The following CSMD1 variants were observed in gnomAD, a reference collection of about 807,000 sequenced individuals.
CSMD1 encodes CUB and sushi domain-containing protein 1.
In CSMD1, 213 loss-of-function variants were observed where a neutral mutation model predicts 417.5. The observed-to-expected ratio is 0.51, with a 90% confidence interval of 0.46 to 0.57. The LOEUF (loss-of-function observed/expected upper bound fraction) is 0.57, where lower values mean the gene tolerates loss of function less well. CSMD1 is among the 20% of genes least tolerant of loss of function. The pLI, the probability that CSMD1 is intolerant of heterozygous loss-of-function variation, is 0.00. For synonymous variants in CSMD1, 2,862 were observed against 1,736.8 expected (o/e 1.65, Z -16.11); for missense variants, 6,923 against 4,529.7 (o/e 1.53, Z -15.17).
At chr8:3,546,158 G>C (rs1341726998) in intron 10 of CSMD1, among the ~76,000 whole-genome samples, 1 of 150,710 alleles carries the variant, frequency 6.6e-6, no homozygotes, top group Non-Finnish European at 1.5e-5. Context: ...AGGTCATCAT[G>C]TATTTGTTTG....
At chr8:3,533,371 C>T (rs149003453) in intron 10 of CSMD1, among the ~76,000 whole-genome samples, 2 of 152,248 alleles carry the variant, frequency 1.3e-5, no homozygotes, top group East Asian at 1.9e-4. Context: ...GAACTTTATA[C>T]TCCTTGAACA....
intron 1 of CSMD1, among the ~76,000 whole-genome samples, chr8:4,653,141 G>C (rs778782787): frequency 5.9e-5 from 9 of 152,052 alleles, no homozygotes; most frequent in African/African-American, 7.3e-5. Context: ...CCATTTAGTA[G>C]AAATTTCCAA....
At chr8:3,004,766 C>G (rs1164848705) in intron 52 of CSMD1, among the ~76,000 whole-genome samples, 3 of 152,156 alleles carry the variant, frequency 2.0e-5, no homozygotes, top group African/African-American at 7.2e-5. Flanking sequence ...TTGAGAGAAC[C>G]AGTAACGGAA....
chr8:3,849,121 A>T (rs1176572961), intron 5 of CSMD1, among the ~76,000 whole-genome samples: 1 of 152,160 alleles, frequency 6.6e-6, no homozygotes, highest in Non-Finnish European at 1.5e-5. Context: ...AGTTACACTG[A>T]AAGACAAGGA....
At chr8:4,275,921 G>T (rs1796459290) in intron 3 of CSMD1, among the ~76,000 whole-genome samples, 1 of 152,176 alleles carries the variant, frequency 6.6e-6, no homozygotes, top group African/African-American at 2.4e-5. Context: ...TTGTTTAAAT[G>T]ATACTTTGTG....
chr8:4,133,590 A>C (rs1803240762), intron 3 of CSMD1, among the ~76,000 whole-genome samples: 1 of 152,224 alleles, frequency 6.6e-6, no homozygotes, highest in South Asian at 2.1e-4. Flanking sequence ...CGATATGTGT[A>C]ATAAACACAT....
chr8:3,352,709 G>T (rs552104878), intron 21 of CSMD1, among the ~76,000 whole-genome samples: 1 of 152,148 alleles, frequency 6.6e-6, no homozygotes, highest in African/African-American at 2.4e-5. Flanking sequence ...GCATGGTGGT[G>T]CATGCCGGTT....
intron 2 of CSMD1, among the ~76,000 whole-genome samples, chr8:4,551,491 G>C (rs1001743003): frequency 1.4e-4 from 22 of 152,190 alleles, no homozygotes; most frequent in African/African-American, 5.3e-4. Flanking sequence ...TTAGTTTGCA[G>C]AAAAACAACT....
At chr8:4,038,741 C>A (rs1797741473) in intron 3 of CSMD1, among the ~76,000 whole-genome samples, 1 of 152,140 alleles carries the variant, frequency 6.6e-6, no homozygotes, top group Non-Finnish European at 1.5e-5. Context: ...ATTCTGCGCC[C>A]AATGCAGACA....
chr8:3,518,446 C>G (rs896027233), intron 10 of CSMD1, among the ~76,000 whole-genome samples: 2 of 152,154 alleles, frequency 1.3e-5, no homozygotes, highest in African/African-American at 4.8e-5. Context: ...TTTTAAAATT[C>G]TGACACATAG....
At chr8:4,185,020 T>C (rs1297863545) in intron 3 of CSMD1, among the ~76,000 whole-genome samples, 1 of 150,510 alleles carries the variant, frequency 6.6e-6, no homozygotes, top group East Asian at 2.0e-4. Context: ...GTGCCTTTAA[T>C]CCCAGCTACT....
intron 9 of CSMD1, among the ~76,000 whole-genome samples, chr8:3,582,974 A>T (rs1800445499): frequency 6.6e-6 from 1 of 152,134 alleles, no homozygotes; most frequent in African/African-American, 2.4e-5. Flanking sequence ...TAACTGACTA[A>T]GTTAAGGAGA....
chr8:2,943,648 A>G (rs1054314846), intron 68 of CSMD1, among the ~76,000 whole-genome samples: 12 of 152,242 alleles, frequency 7.9e-5, no homozygotes, highest in African/African-American at 2.9e-4. Flanking sequence ...GAGGAAAGCA[A>G]TAAAAACTCA....
chr8:3,230,276 T>A, intron 26 of CSMD1, 45 bp from the exon 27 acceptor site: 1 of 1,468,646 alleles, frequency 6.8e-7, no homozygotes, highest in Non-Finnish European at 9.1e-7. Context: ...GAAAACATGG[T>A]TTCCACATTC....
intron 3 of CSMD1, among the ~76,000 whole-genome samples, chr8:4,325,846 C>G (rs1995537): frequency 0.83 from 125,789 of 152,002 alleles, 52,137 homozygotes; most frequent in East Asian, 0.99. Context: ...AAAGCTTATT[C>G]CACCTGATGG....
chr8:4,553,891 C>G (rs1797980271), intron 2 of CSMD1, among the ~76,000 whole-genome samples: 1 of 152,074 alleles, frequency 6.6e-6, no homozygotes, highest in Non-Finnish European at 1.5e-5. Context: ...CTGCCTAAAA[C>G]AAGCACAAAA....
chr8:4,279,055 TCTA>T (rs1160383320), intron 3 of CSMD1, among the ~76,000 whole-genome samples: 1 of 152,208 alleles, frequency 6.6e-6, no homozygotes, highest in Non-Finnish European at 1.5e-5. Context: ...TAAACATCAC[TCTA>T]CTGTTTTTAT....
intron 6 of CSMD1, among the ~76,000 whole-genome samples, chr8:3,739,581 A>C (rs1796691205): frequency 6.6e-6 from 1 of 152,192 alleles, no homozygotes; most frequent in African/African-American, 2.4e-5. Flanking sequence ...GGAATGCTTA[A>C]GTTTTTGAAA....
rs143239160 is a variant in CSMD1, at chr8:4,372,292, G to C, written c.415+47661C>G. 5.8e-3 allele frequency among the ~76,000 whole-genome samples: 881 copies of C among 152,238 alleles called. 12 individuals are homozygous for C. The highest frequency in any genetic ancestry group is 0.02 in the African/African-American group (825 of 41,538). On this transcript the variant is annotated intron_variant, in intron 3 of 69. Coordinates refer to ENST00000635120, the MANE Select transcript of CSMD1 (RefSeq NM_033225.6). ...TCCATTTCATTTTATTAAGTCTGTG[G>C]GTTAAATGACATCATGAGAACAGAC...
Sources: gnomAD v4.1 joint callset for allele counts (sites outside exome capture counted in the v4.1 genomes callset) on GRCh38, gnomAD v4.1.1 for gene constraint, MANE v1.5 for transcripts, NCBI Gene and HGNC (gene_info 2026-07-23, HGNC 2026-07-21) for gene names.